The following CSMD1 variants were observed in gnomAD, a reference collection of about 807,000 sequenced individuals.
CSMD1 encodes CUB and Sushi multiple domains 1, also known as CUB and sushi domain-containing protein 1.
In CSMD1, 213 loss-of-function variants were observed where a neutral mutation model predicts 417.5. The ratio of observed to expected loss-of-function variants is 0.51; its 90% confidence interval spans 0.46 to 0.57. The LOEUF (loss-of-function observed/expected upper bound fraction) is 0.57, where lower values mean the gene tolerates loss of function less well. Among genes scored for constraint, CSMD1 ranks in the 20% least tolerant of loss-of-function variants. The pLI is 0.00. For synonymous variants in CSMD1, 2,862 were observed against 1,736.8 expected (o/e 1.65, Z -16.11); for missense variants, 6,923 against 4,529.7 (o/e 1.53, Z -15.17).
chr8:3,034,721 T>C (rs1810561113), intron 50 of CSMD1, among the ~76,000 whole-genome samples: 1 of 152,192 alleles, frequency 6.6e-6, no homozygotes, highest in African/African-American at 2.4e-5. Flanking sequence ...CACAATATCA[T>C]ACTTAGAGAG....
intron 50 of CSMD1, among the ~76,000 whole-genome samples, chr8:3,030,610 G>A (rs186914125): frequency 1.7e-4 from 26 of 151,984 alleles, no homozygotes; most frequent in Admixed American, 1.2e-3. Context: ...CCAAGTTGCT[G>A]GGACTATGGG....
chr8:4,285,536 G>C (rs899564232), intron 3 of CSMD1, among the ~76,000 whole-genome samples: 1 of 152,154 alleles, frequency 6.6e-6, no homozygotes, highest in Admixed American at 6.5e-5. Context: ...CGGATATCAG[G>C]GCTTTCTCTC....
chr8:4,467,101 C>G (rs1398142896), intron 2 of CSMD1, among the ~76,000 whole-genome samples: 2 of 133,622 alleles, frequency 1.5e-5, no homozygotes, highest in Non-Finnish European at 3.1e-5. Context: ...TCAACTTAGT[C>G]TTGCTCTAGA....
In CSMD1 at chr8:3,574,951, C is replaced by G; in HGVS notation, c.1338G>C (p.Pro446=). The change falls in exon 10 of 70, where the codon CCG becomes CCC. Residue 446 remains proline (P), a synonymous_variant. Transcript: ENST00000635120. The stretch of plus-strand genomic sequence containing the variant: ...GTTGGAGGCGGAGCCTTACCTTGTC[C>G]GGGTCGGTGGTGGTGATGACCCACA... ...HCVWVITTTD[P]DKVIKLAFEE... 1 of 1,611,976 alleles carries G rather than the reference C, an allele frequency of 6.2e-7. No homozygotes were observed. The highest frequency in any genetic ancestry group is 8.5e-7 in the Non-Finnish European group (1 of 1,179,510).
chr8:3,638,460 C>T (rs1797149420), intron 7 of CSMD1, among the ~76,000 whole-genome samples: 2 of 152,198 alleles, frequency 1.3e-5, no homozygotes, highest in East Asian at 3.9e-4. Context: ...AAAACACTGC[C>T]TCTGAAATTC....
chr8:3,571,645 G>A (rs1045614853), intron 10 of CSMD1, among the ~76,000 whole-genome samples: 4 of 151,994 alleles, frequency 2.6e-5, no homozygotes, highest in African/African-American at 7.2e-5. Flanking sequence ...AGGGAATCCG[G>A]TGTTCTGCGC....
chr8:4,948,819 A>T (rs1012142373), intron 1 of CSMD1, among the ~76,000 whole-genome samples: 2 of 152,088 alleles, frequency 1.3e-5, no homozygotes, highest in Non-Finnish European at 2.9e-5. Context: ...CCTAGAATGG[A>T]GCTGCAGCAT....
chr8:4,311,687 C>T (rs527816937), intron 3 of CSMD1, among the ~76,000 whole-genome samples: 1 of 146,680 alleles, frequency 6.8e-6, no homozygotes, highest in African/African-American at 2.6e-5. Context: ...TGTGCCACAG[C>T]ACTCCAGCCT....
chr8:4,632,276 G>A (rs762045048), intron 2 of CSMD1, among the ~76,000 whole-genome samples: 8 of 152,140 alleles, frequency 5.3e-5, no homozygotes, highest in African/African-American at 9.7e-5. Flanking sequence ...ACTTTGGGAG[G>A]CCGAGGTGGG....
chr8:3,109,201 G>A (rs1816344527), intron 43 of CSMD1, among the ~76,000 whole-genome samples: 1 of 152,176 alleles, frequency 6.6e-6, no homozygotes, highest in Admixed American at 6.5e-5. Context: ...GGAGGCGCTG[G>A]TTCCAGTGAG....
intron 23 of CSMD1, among the ~76,000 whole-genome samples, chr8:3,310,057 T>C (rs749128358): frequency 2.0e-5 from 3 of 152,180 alleles, no homozygotes; most frequent in Non-Finnish European, 4.4e-5. Flanking sequence ...CAGAAGAGTG[T>C]ATCCATCTTG....
intron 12 of CSMD1, among the ~76,000 whole-genome samples, chr8:3,450,849 C>G (rs1382496039): frequency 6.6e-6 from 1 of 151,680 alleles, no homozygotes; most frequent in Non-Finnish European, 1.5e-5. Flanking sequence ...ATGGCTGGGT[C>G]AAATGGTAAT....
At chr8:3,544,806 A>G (rs1320118418) in intron 10 of CSMD1, among the ~76,000 whole-genome samples, 1 of 152,162 alleles carries the variant, frequency 6.6e-6, no homozygotes, top group Non-Finnish European at 1.5e-5. Flanking sequence ...GAGAAAAGAT[A>G]TGAAGACAAG....
chr8:4,794,505 C>T (rs1414322895), intron 1 of CSMD1, among the ~76,000 whole-genome samples: 6 of 152,104 alleles, frequency 3.9e-5, no homozygotes, highest in South Asian at 2.1e-4. Flanking sequence ...TGTGTTCTGT[C>T]CCCTGCTCTC....
intron 3 of CSMD1, among the ~76,000 whole-genome samples, chr8:4,282,307 C>G (rs923985608): frequency 1.3e-5 from 2 of 152,150 alleles, no homozygotes; most frequent in South Asian, 2.1e-4. Flanking sequence ...CTCAGGAACA[C>G]TGGAGCACGC....
At chr8:4,108,900 T>C (rs986014207) in intron 3 of CSMD1, among the ~76,000 whole-genome samples, 1 of 152,168 alleles carries the variant, frequency 6.6e-6, no homozygotes, top group Admixed American at 6.5e-5. Flanking sequence ...CAGCCAGAAA[T>C]CATTTAAAAA....
intron 3 of CSMD1, among the ~76,000 whole-genome samples, chr8:4,188,855 T>C (rs1430510736): frequency 6.6e-6 from 1 of 151,978 alleles, no homozygotes; most frequent in Non-Finnish European, 1.5e-5. Flanking sequence ...AACGAAATGT[T>C]TCTGCATTTG....
At chr8:4,204,561 C>A (rs901709301) in intron 3 of CSMD1, among the ~76,000 whole-genome samples, 1 of 152,160 alleles carries the variant, frequency 6.6e-6, no homozygotes, top group African/African-American at 2.4e-5. Flanking sequence ...GACACCTTTT[C>A]TATACTGAGA....
chr8:4,361,403 C>T (rs780443718), intron 3 of CSMD1, among the ~76,000 whole-genome samples: 2 of 152,156 alleles, frequency 1.3e-5, no homozygotes, highest in Admixed American at 6.6e-5. Context: ...AACTGTGTCT[C>T]AGGCACTGCT....
Sources: gnomAD v4.1 joint callset for allele counts (sites outside exome capture counted in the v4.1 genomes callset) on GRCh38, gnomAD v4.1.1 for gene constraint, MANE v1.5 for transcripts, NCBI Gene and HGNC (gene_info 2026-07-23, HGNC 2026-07-21) for gene names.